Variants in THEMIS observed in about 807,000 individuals in gnomAD.
THEMIS encodes the protein thymocyte selection associated, also known as protein THEMIS.
THEMIS carries 37 observed loss-of-function variants against 52.6 expected under a neutral mutation model. The observed-to-expected ratio is 0.70, with a 90% CI of 0.54 to 0.93. THEMIS has a LOEUF of 0.93. THEMIS is among the 40% of genes least tolerant of loss of function. The probability of loss-of-function intolerance (pLI) is 0.00; values close to 1 mark genes in which losing one functional copy is unlikely to be tolerated. For missense variants in THEMIS, 808 were observed against 763.1 expected (o/e 1.06, Z -0.69); for synonymous variants, 292 against 272.7 (o/e 1.07, Z -0.70).
upstream of THEMIS, chr6:127,901,210 C>G: frequency 2.1e-6 from 1 of 472,696 alleles, no homozygotes. Context: ...GTGGGGTGAA[C>G]AGACACTGCC....
intron 2 of THEMIS, among the ~76,000 whole-genome samples, chr6:127,847,115 G>A (rs745593194): frequency 3.3e-5 from 5 of 151,772 alleles, no homozygotes; most frequent in Non-Finnish European, 7.4e-5. Context: ...AAAAAAATAG[G>A]TATAGAAGGG....
the THEMIS span, among the ~76,000 whole-genome samples, chr6:127,700,677 G>A: frequency 6.6e-6 from 1 of 151,980 alleles, no homozygotes; most frequent in Admixed American, 6.6e-5. Flanking sequence ...AGATAGCAGA[G>A]CTAAAGTATG....
chr6:127,829,465 T>G lies in THEMIS; in HGVS notation c.709+11A>C, dbSNP rs765656009. On this transcript the variant is annotated intron_variant, in intron 3 of 5. Transcript: ENST00000368248. Reference sequence around the variant, plus strand: ...CATGCTCATAGAACATCATTCTCAGTGGATACTCACATTTCATCACACCTT... The same window carrying G: ...CATGCTCATAGAACATCATTCTCAGGGGATACTCACATTTCATCACACCTT... 2.5e-6 allele frequency: 4 copies of G among 1,580,980 alleles called. No homozygotes were observed. The highest frequency in any genetic ancestry group is 3.4e-6 in the Non-Finnish European group (4 of 1,164,998).
chr6:127,761,569 A>G (rs560238708), intron 4 of THEMIS, among the ~76,000 whole-genome samples: 57 of 152,302 alleles, frequency 3.7e-4, no homozygotes, highest in South Asian at 8.3e-4. Flanking sequence ...TAAGAAGTGC[A>G]TAAGGCCACT....
At chr6:127,830,796 T>C (rs560574520) in intron 2 of THEMIS, among the ~76,000 whole-genome samples, 3 of 152,206 alleles carry the variant, frequency 2.0e-5, no homozygotes, top group Non-Finnish European at 4.4e-5. Flanking sequence ...GCCACTGAAC[T>C]GTACACTTTA....
chr6:127,829,643 A>T lies in THEMIS; in HGVS notation c.542T>A (p.Ile181Asn). 6.2e-7 allele frequency: 1 copy of T among 1,614,094 alleles called. No individual in the cohort carries two copies. Among genetic ancestry groups the T allele is most frequent in the East Asian group, 2.2e-5 (1 of 44,860 alleles). Residue 181 changes from isoleucine (I) to asparagine (N), a missense_variant, in exon 3 of 6, where the codon ATT (isoleucine) becomes AAT (asparagine). Transcript: ENST00000368248. The part of the protein sequence containing the change: ...GEFYECEDER[I>N]YTLKEIVEWK... ...TTCAACAATCTCCTTTAGAGTGTAAATACGTTCATCTTCACACTCGTAGAA... is the reference window on the plus strand; with the variant it reads ...TTCAACAATCTCCTTTAGAGTGTAATTACGTTCATCTTCACACTCGTAGAA...
intron 3 of THEMIS, among the ~76,000 whole-genome samples, chr6:127,826,750 C>A (rs1475323227): frequency 6.6e-6 from 1 of 152,062 alleles, no homozygotes; most frequent in African/African-American, 2.4e-5. Flanking sequence ...GAGAAAGGCA[C>A]AATACACATC....
intron 1 of THEMIS, among the ~76,000 whole-genome samples, chr6:127,882,349 A>C (rs879885978): frequency 3.9e-5 from 6 of 151,926 alleles, no homozygotes; most frequent in African/African-American, 7.2e-5. Context: ...CTATTCTGAC[A>C]GTCATTTTAG....
At chr6:127,758,196 T>C (rs1398460886) in intron 4 of THEMIS, among the ~76,000 whole-genome samples, 4 of 150,722 alleles carry the variant, frequency 2.7e-5, no homozygotes. Context: ...GGAGGGAGTA[T>C]ACAAATATCA....
chr6:127,833,886 A>G (rs373287942), intron 2 of THEMIS, among the ~76,000 whole-genome samples: 5 of 152,360 alleles, frequency 3.3e-5, no homozygotes, highest in Admixed American at 2.0e-4. Context: ...AATGAGAAAT[A>G]TATATGACAA....
chr6:127,855,231 C>G, intron 1 of THEMIS, 43 bp from the exon 2 acceptor site: 1 of 1,498,550 alleles, frequency 6.7e-7, no homozygotes, highest in Non-Finnish European at 9.0e-7. Context: ...AAAAAGAAAA[C>G]AGTGAAAAAC....
At chr6:127,718,455 C>T (rs946874862) in intron 5 of THEMIS, among the ~76,000 whole-genome samples, 7 of 151,884 alleles carry the variant, frequency 4.6e-5, no homozygotes, top group African/African-American at 1.7e-4. Context: ...ACTCAAGGCA[C>T]AAAGCTGGGA....
At chr6:127,826,710 T>A (rs1465997692) in intron 3 of THEMIS, among the ~76,000 whole-genome samples, 1 of 152,174 alleles carries the variant, frequency 6.6e-6, no homozygotes, top group Non-Finnish European at 1.5e-5. Context: ...TGTATTCCAT[T>A]TACTATGCTA....
intron 4 of THEMIS, among the ~76,000 whole-genome samples, chr6:127,801,611 T>A (rs1777537965): frequency 6.6e-6 from 1 of 152,086 alleles, no homozygotes; most frequent in Non-Finnish European, 1.5e-5. Context: ...AGCTTCCCCA[T>A]CCCCAGTAGT....
At chr6:127,789,150 A>G (rs1206256490) in intron 4 of THEMIS, among the ~76,000 whole-genome samples, 1 of 152,144 alleles carries the variant, frequency 6.6e-6, no homozygotes, top group African/African-American at 2.4e-5. Flanking sequence ...AATAAAGAAG[A>G]GAGAAGAATC....
chr6:127,845,061 A>C (rs1019170980), intron 2 of THEMIS, among the ~76,000 whole-genome samples: 4 of 151,716 alleles, frequency 2.6e-5, no homozygotes, highest in African/African-American at 9.7e-5. Flanking sequence ...AGTAAAAAAA[A>C]AAAAGGCTCC....
At chr6:127,904,031 T>A (rs542544462), upstream of THEMIS, among the ~76,000 whole-genome samples, 1 of 152,048 alleles carries the variant, frequency 6.6e-6, no homozygotes, top group Non-Finnish European at 1.5e-5. Flanking sequence ...TCAAGGCTTT[T>A]ATGGGTTAGT....
chr6:127,907,925 CA>C (rs1409992624), intron 1 of THEMIS, among the ~76,000 whole-genome samples: 5 of 151,964 alleles, frequency 3.3e-5, no homozygotes, highest in Non-Finnish European at 7.4e-5. Context: ...GACGGGGTTT[CA>C]TTCTTAATTT....
chr6:127,890,472 G>A (rs1377935124), intron 1 of THEMIS, among the ~76,000 whole-genome samples: 1 of 152,024 alleles, frequency 6.6e-6, no homozygotes, highest in Admixed American at 6.6e-5. Flanking sequence ...ATTGGTTAAT[G>A]GATACAGAAA....
Sources: gnomAD v4.1 joint callset for allele counts (sites outside exome capture counted in the v4.1 genomes callset) on GRCh38, gnomAD v4.1.1 for gene constraint, MANE v1.5 for transcripts, NCBI Gene and HGNC (gene_info 2026-07-23, HGNC 2026-07-21) for gene names.